Variants in ELF5 observed in about 807,000 individuals in gnomAD.
The protein encoded by ELF5 is ETS-related transcription factor Elf-5.
In ELF5, 31 loss-of-function variants were observed where a neutral mutation model predicts 38.2. The observed-to-expected ratio is 0.81, with a 90% CI of 0.61 to 1.10. The LOEUF is 1.10. Among genes scored for constraint, ELF5 ranks in the 50% least tolerant of loss-of-function variants. ELF5 has a pLI of 0.00. For synonymous variants in ELF5, 121 were observed against 112.5 expected (o/e 1.08, Z -0.48); for missense variants, 300 against 306.6 (o/e 0.98, Z 0.16).
chr11:34,505,929 A>G (rs1209299079), intron 1 of ELF5, among the ~76,000 whole-genome samples, 176 bp from the exon 2 acceptor site: 2 of 152,208 alleles, frequency 1.3e-5, no homozygotes, highest in African/African-American at 2.4e-5. Flanking sequence ...CACCCTTGCC[A>G]TATCCTGTCT....
chr11:34,481,258 A>G (rs375479542), intron 5 of ELF5, among the ~76,000 whole-genome samples: 2 of 152,082 alleles, frequency 1.3e-5, no homozygotes, highest in African/African-American at 4.8e-5. Flanking sequence ...TCCTGACCTC[A>G]GGTGTTGTAC....
intron 4 of ELF5, among the ~76,000 whole-genome samples, chr11:34,489,609 T>G: frequency 6.6e-6 from 1 of 152,112 alleles, no homozygotes; most frequent in East Asian, 1.9e-4. Context: ...GAGCTCAGAG[T>G]CTTCTTAAGC....
intron 1 of ELF5, among the ~76,000 whole-genome samples, chr11:34,506,596 C>T (rs1242329576): frequency 2.0e-5 from 3 of 152,120 alleles, no homozygotes; most frequent in East Asian, 1.9e-4. Context: ...TCACTGCAAC[C>T]TCTGCCTCCT....
intron 2 of ELF5, among the ~76,000 whole-genome samples, chr11:34,497,704 C>T (rs1444755002): frequency 6.6e-6 from 1 of 152,094 alleles, no homozygotes; most frequent in Non-Finnish European, 1.5e-5. Context: ...GAAAGGTGGG[C>T]CTTGTGTTGC....
chr11:34,511,674 G>A (rs990685836), intron 1 of ELF5: 4 of 1,424,168 alleles, frequency 2.8e-6, no homozygotes, highest in Admixed American at 1.8e-5. Flanking sequence ...GGAGGGACAG[G>A]CCTGTGGGCT....
chr11:34,506,476 C>G (rs551134944), intron 1 of ELF5, among the ~76,000 whole-genome samples: 1 of 152,218 alleles, frequency 6.6e-6, no homozygotes, highest in Non-Finnish European at 1.5e-5. Flanking sequence ...ACACATACCC[C>G]CTGAATCTAA....
chr11:34,481,465 C>G (rs973185619), intron 5 of ELF5, among the ~76,000 whole-genome samples: 14 of 152,178 alleles, frequency 9.2e-5, no homozygotes, highest in Admixed American at 9.2e-4. Flanking sequence ...TGTCTCCCAT[C>G]GAAGCAATTG....
At chr11:34,508,504 CAAAAAAA>C (rs1197122146) in intron 1 of ELF5, among the ~76,000 whole-genome samples, 3 of 146,276 alleles carry the variant, frequency 2.1e-5, no homozygotes, top group African/African-American at 7.5e-5. Flanking sequence ...CTATGTCTCA[CAAAAAAA>C]TAAAAAATAA....
intron 1 of ELF5, chr11:34,511,598 T>A (rs761900220): frequency 3.4e-5 from 55 of 1,613,990 alleles, no homozygotes; most frequent in Non-Finnish European, 4.5e-5. Flanking sequence ...ATGCCTCCAG[T>A]GGCTTCTGAA....
intron 1 of ELF5, among the ~76,000 whole-genome samples, chr11:34,509,267 G>T (rs1024943840): frequency 3.9e-5 from 6 of 152,174 alleles, no homozygotes; most frequent in Admixed American, 6.5e-5. Context: ...GGCAGAGGTT[G>T]CAGTGAGCTG....
chr11:34,494,125 A>G (rs890230503), intron 2 of ELF5, among the ~76,000 whole-genome samples: 7 of 152,230 alleles, frequency 4.6e-5, no homozygotes, highest in Non-Finnish European at 7.3e-5. Flanking sequence ...GTCTGTGGAC[A>G]TTGAAGTCTC....
At chr11:34,511,093 A>G (rs1222068632) in intron 1 of ELF5, among the ~76,000 whole-genome samples, 1 of 152,210 alleles carries the variant, frequency 6.6e-6, no homozygotes, top group Non-Finnish European at 1.5e-5. Context: ...GACTTTCTGC[A>G]GACACCCACC....
At chr11:34,511,220 C>T (rs1354344568) in intron 1 of ELF5, among the ~76,000 whole-genome samples, 4 of 152,228 alleles carry the variant, frequency 2.6e-5, no homozygotes, top group Non-Finnish European at 4.4e-5. Context: ...CCAACCACTA[C>T]ACACAGACTG....
At chr11:34,504,381 G>T (rs1273461257) in intron 2 of ELF5, among the ~76,000 whole-genome samples, 2 of 151,128 alleles carry the variant, frequency 1.3e-5, no homozygotes, top group Non-Finnish European at 2.9e-5. Context: ...ACAGATGAGG[G>T]TGAGAGATTT....
chr11:34,503,225 C>T (rs1055973170), intron 2 of ELF5, among the ~76,000 whole-genome samples: 1 of 149,928 alleles, frequency 6.7e-6, no homozygotes, highest in Non-Finnish European at 1.5e-5. Context: ...GTGGCATACT[C>T]ACAGCTCACT....
At chr11:34,506,818 AAAAT>A (rs1352893129) in intron 1 of ELF5, among the ~76,000 whole-genome samples, 1 of 152,202 alleles carries the variant, frequency 6.6e-6, no homozygotes, top group Non-Finnish European at 1.5e-5. Context: ...CTGGCCGAAA[AAAAT>A]AAATAAATAA....
intron 1 of ELF5, among the ~76,000 whole-genome samples, chr11:34,510,316 T>G (rs1304183117): frequency 6.6e-6 from 1 of 152,038 alleles, no homozygotes; most frequent in African/African-American, 2.4e-5. Context: ...AAGGTGTTTT[T>G]TTTTTTTTTT....
intron 2 of ELF5, among the ~76,000 whole-genome samples, chr11:34,497,392 C>G (rs1185411504): frequency 1.3e-5 from 2 of 152,180 alleles, no homozygotes; most frequent in Non-Finnish European, 2.9e-5. Flanking sequence ...GCAGGCTCTG[C>G]CAGCTCCTTT....
intron 3 of ELF5, among the ~76,000 whole-genome samples, chr11:34,490,903 T>C (rs1030337781): frequency 4.6e-5 from 7 of 152,042 alleles, no homozygotes; most frequent in Admixed American, 2.0e-4. Flanking sequence ...GGATGGGAGA[T>C]TGAAGAGGGG....
Sources: allele counts gnomAD v4.1 joint callset (sites outside exome capture counted in the v4.1 genomes callset), GRCh38; gene constraint gnomAD v4.1.1; transcripts MANE v1.5; gene names NCBI Gene and HGNC (gene_info 2026-07-23, HGNC 2026-07-21).